The following PPARGC1A variants were observed in gnomAD, a reference collection of about 807,000 sequenced individuals.
PPARGC1A encodes the protein peroxisome proliferator-activated receptor gamma coactivator 1-alpha.
PPARGC1A carries 25 observed loss-of-function variants against 88.7 expected under a neutral mutation model. The ratio of observed to expected loss-of-function variants is 0.28; its 90% confidence interval spans 0.21 to 0.39. PPARGC1A has a LOEUF of 0.39. Ranked by LOEUF, PPARGC1A falls within the 10% of genes least tolerant of loss-of-function variation. The probability of loss-of-function intolerance (pLI) is 1.00; values close to 1 mark genes in which losing one functional copy is unlikely to be tolerated. For synonymous variants in PPARGC1A, 363 were observed against 355.6 expected (o/e 1.02, Z -0.24); for missense variants, 880 against 968.7 (o/e 0.91, Z 1.22).
the PPARGC1A span, among the ~76,000 whole-genome samples, chr4:24,387,766 G>GAAAGAAAGAA: frequency 3.0e-3 from 154 of 51,996 alleles, 6 homozygotes; most frequent in Non-Finnish European, 3.8e-3. Context: ...GAGAGAGAGA[G>GAAAGAAAGAA]AGAAAGAAAG....
the PPARGC1A span, among the ~76,000 whole-genome samples, chr4:24,001,784 T>A: frequency 6.6e-6 from 1 of 152,106 alleles, no homozygotes; most frequent in East Asian, 1.9e-4. Context: ...GCTAACTCCA[T>A]GTGACAACAC....
the PPARGC1A span, among the ~76,000 whole-genome samples, chr4:24,211,841 A>C: frequency 3.3e-5 from 5 of 152,314 alleles, no homozygotes; most frequent in African/African-American, 4.8e-5. Flanking sequence ...GTGTACTAAC[A>C]AATATTAGCT....
intron 7 of PPARGC1A, among the ~76,000 whole-genome samples, chr4:23,820,880 G>T (rs1722891113): frequency 6.6e-6 from 1 of 152,068 alleles, no homozygotes; most frequent in South Asian, 2.1e-4. Context: ...TAAAGAAAAA[G>T]AAGACACCAG....
chr4:23,961,783 C>T, the PPARGC1A span, among the ~76,000 whole-genome samples: 6 of 152,104 alleles, frequency 3.9e-5, no homozygotes, highest in South Asian at 1.2e-3. Context: ...TCCCACAAGC[C>T]CCCTGTACAT....
chr4:24,150,164 G>A, the PPARGC1A span, among the ~76,000 whole-genome samples: 6 of 152,090 alleles, frequency 3.9e-5, no homozygotes, highest in East Asian at 3.9e-4. Context: ...CCTCAGTCAC[G>A]AACTGAAGAG....
At chr4:24,404,167 GCAGGAGA>G in the PPARGC1A span, among the ~76,000 whole-genome samples, 6 of 152,126 alleles carry the variant, frequency 3.9e-5, no homozygotes, top group African/African-American at 1.4e-4. Flanking sequence ...GGAGGCTGAG[GCAGGAGA>G]ATTGTTTGAA....
At chr4:24,113,660 G>A in the PPARGC1A span, among the ~76,000 whole-genome samples, 1 of 152,194 alleles carries the variant, frequency 6.6e-6, no homozygotes, top group African/African-American at 2.4e-5. Context: ...GAGTTTGGGA[G>A]AGGAGCTTCT....
intron 7 of PPARGC1A, among the ~76,000 whole-genome samples, chr4:23,818,839 CTTTTTTTTTTTTTTTTTTT>C (rs762478316): frequency 1.2e-4 from 6 of 49,022 alleles, no homozygotes; most frequent in East Asian, 8.0e-4. Flanking sequence ...CCAATGGCAT[CTTTTTTTTTTTTTTTTTTT>C]TTTTTTTTTT....
chr4:24,305,167 G>A, the PPARGC1A span, among the ~76,000 whole-genome samples: 7 of 138,282 alleles, frequency 5.1e-5, no homozygotes, highest in African/African-American at 1.9e-4. Context: ...ACATATATAT[G>A]TGTGTGTGTG....
At chr4:23,929,627 G>A in the PPARGC1A span, among the ~76,000 whole-genome samples, 2 of 152,194 alleles carry the variant, frequency 1.3e-5, no homozygotes, top group African/African-American at 4.8e-5. Context: ...AGGAAAAAGT[G>A]CGGCACCCAT....
chr4:23,921,288 T>C, the PPARGC1A span, among the ~76,000 whole-genome samples: 1 of 152,182 alleles, frequency 6.6e-6, no homozygotes, highest in Non-Finnish European at 1.5e-5. Context: ...TGTGTGTGTG[T>C]GCGTCAGGGG....
the PPARGC1A span, among the ~76,000 whole-genome samples, chr4:24,230,411 A>G: frequency 6.6e-6 from 1 of 152,132 alleles, no homozygotes; most frequent in Non-Finnish European, 1.5e-5. Flanking sequence ...GTCAGTTCCC[A>G]TCTTATATGG....
the PPARGC1A span, among the ~76,000 whole-genome samples, chr4:24,415,938 A>G: frequency 6.6e-6 from 1 of 152,230 alleles, no homozygotes; most frequent in African/African-American, 2.4e-5. Context: ...ATTAAAATGT[A>G]CAGTGGGACA....
chr4:24,364,018 A>T, the PPARGC1A span, among the ~76,000 whole-genome samples: 7 of 152,148 alleles, frequency 4.6e-5, no homozygotes, highest in Admixed American at 1.3e-4. Context: ...AGCGATTAAA[A>T]ACCTGACTAG....
chr4:23,926,244 T>C, the PPARGC1A span, among the ~76,000 whole-genome samples: 139 of 152,204 alleles, frequency 9.1e-4, 1 homozygote, highest in African/African-American at 3.2e-3. Context: ...ACCACCAACA[T>C]CTTGCAGGAC....
the PPARGC1A span, among the ~76,000 whole-genome samples, chr4:24,270,902 GA>G: frequency 6.6e-6 from 1 of 151,928 alleles, no homozygotes; most frequent in Non-Finnish European, 1.5e-5. Flanking sequence ...TGGTTTGGAG[GA>G]AAAAAATCCA....
At chr4:24,074,305 A>G in the PPARGC1A span, among the ~76,000 whole-genome samples, 1 of 151,894 alleles carries the variant, frequency 6.6e-6, no homozygotes, top group African/African-American at 2.4e-5. Context: ...AATTCCTACC[A>G]ATTTCCGTTT....
At chr4:24,155,103 C>T in the PPARGC1A span, among the ~76,000 whole-genome samples, 1 of 146,852 alleles carries the variant, frequency 6.8e-6, no homozygotes, top group East Asian at 1.9e-4. Context: ...ATGTGACTTT[C>T]TCTTCGAACC....
the PPARGC1A span, among the ~76,000 whole-genome samples, chr4:24,357,105 C>G: frequency 6.6e-6 from 1 of 152,214 alleles, no homozygotes; most frequent in African/African-American, 2.4e-5. Flanking sequence ...TCCAGAGGTT[C>G]CCAGCCTGAG....
Sources: allele counts gnomAD v4.1 joint callset (sites outside exome capture counted in the v4.1 genomes callset), GRCh38; gene constraint gnomAD v4.1.1; transcripts MANE v1.5; gene names NCBI Gene and HGNC (gene_info 2026-07-23, HGNC 2026-07-21).